The following RUSC2 variants were observed in gnomAD, a reference collection of about 807,000 sequenced individuals.
The protein encoded by RUSC2 is AP-4 complex accessory subunit RUSC2.
In RUSC2, 34 loss-of-function variants were observed where a neutral mutation model predicts 122.2. The observed-to-expected ratio is 0.28, with a 90% CI of 0.21 to 0.37. The LOEUF (loss-of-function observed/expected upper bound fraction) is 0.37. Ranked by LOEUF, RUSC2 falls within the 10% of genes least tolerant of loss-of-function variation. The probability of loss-of-function intolerance (pLI) is 1.00; values close to 1 mark genes in which losing one functional copy is unlikely to be tolerated. For missense variants in RUSC2, 1,747 were observed against 1,952.4 expected (o/e 0.89, Z 1.98); for synonymous variants, 784 against 790.0 (o/e 0.99, Z 0.13).
At chr9:35,517,081 T>C (rs1008350170) in intron 1 of RUSC2, among the ~76,000 whole-genome samples, 1 of 152,198 alleles carries the variant, frequency 6.6e-6, no homozygotes, top group Non-Finnish European at 1.5e-5. Flanking sequence ...GTGGCAGTAC[T>C]ATATGGCCCA....
chr9:35,548,650 TC>T lies in RUSC2; in HGVS notation c.2014+117del. On this transcript the variant is annotated intron_variant, in intron 2 of 11. Transcript: ENST00000361226. The surrounding 1 kb of genome is among the most constrained non-coding windows in gnomAD (Gnocchi z 4.5). ...CATCCATACCACTAGAGGTTCCACA[TC>T]CTAGATCTGTTATCCTTCTAGGCCA... The T allele has an allele frequency of 7.0e-7, 1 of 1,434,608 alleles. No individual in the cohort carries two copies. The highest frequency in any genetic ancestry group is 1.4e-5 in the African/African-American group (1 of 69,804). The allele number at this position is 1,434,608 out of a possible 1,614,324, so 88.9% of individuals were successfully genotyped here. A position where few individuals can be genotyped will look rare whatever the true frequency, so the allele number is the denominator to read the frequency against.
chr9:35,530,115 C>A lies in RUSC2; in HGVS notation c.-92-16315C>A, dbSNP rs770488087. On this transcript the variant is annotated intron_variant, in intron 1 of 11. Transcript: ENST00000361226. ...TACAGGTGCACACCAGCACACCCAG[C>A]TAATTTTTGTATTTTTTGTAGAGAC... Among the ~76,000 whole-genome samples the A allele has an allele frequency of 8.7e-4, 133 of 152,274 alleles. 2 individuals are homozygous for A. Among genetic ancestry groups the A allele is most frequent in the Non-Finnish European group, 1.7e-3 (117 of 68,028 alleles).
intron 2 of RUSC2, among the ~76,000 whole-genome samples, chr9:35,551,978 C>T (rs757508851): frequency 6.6e-6 from 1 of 152,092 alleles, no homozygotes; most frequent in Admixed American, 6.6e-5. Context: ...GCAGGAGGAT[C>T]GCCTGAGCCC....
At chr9:35,512,400 C>T (rs905208585) in intron 1 of RUSC2, among the ~76,000 whole-genome samples, 1 of 152,078 alleles carries the variant, frequency 6.6e-6, no homozygotes. Context: ...TTATAATTTG[C>T]CCTATGCATG....
In RUSC2 at chr9:35,558,557, G is replaced by A. The variant is rs767427039; in HGVS notation, c.3331G>A (p.Gly1111Ser). ...CATGCGCTTCAACGCCTTCATCCTC[G>A]GCCTGCTCAAGTGAGTGCACAGAGC... Reference protein sequence around the residue: ...HTMRFNAFILGLLNIRSLEFW... With the variant: ...HTMRFNAFILSLLNIRSLEFW... Residue 1111 changes from glycine to serine, a missense_variant, in exon 8 of 12, where the codon GGC becomes AGC. Gly to Ser is a moderately conservative substitution (Grantham distance 56). Coordinates refer to ENST00000361226, the MANE Select transcript of RUSC2 (RefSeq NM_014806.5). The surrounding 1 kb of genome is among the most constrained non-coding windows in gnomAD (Gnocchi z 4.3). 22 of 1,613,448 alleles carry A rather than the reference G, an allele frequency of 1.4e-5. No individual in the cohort carries two copies. Among genetic ancestry groups the A allele is most frequent in the Non-Finnish European group, 1.8e-5 (21 of 1,179,636 alleles).
At position 35,547,836 on chromosome 9, in the gene RUSC2, C is replaced by G; in HGVS notation, c.1315C>G (p.Pro439Ala). The G allele has an allele frequency of 1.2e-6, 2 of 1,614,198 alleles. No homozygotes were observed. The highest frequency in any genetic ancestry group is 1.3e-5 in the African/African-American group (1 of 75,056). Residue 439 changes from proline to alanine, a missense_variant, in exon 2 of 12, where the codon CCC becomes GCC. Coordinates refer to ENST00000361226, the MANE Select transcript of RUSC2 (RefSeq NM_014806.5). The surrounding 1 kb of genome is among the most constrained non-coding windows in gnomAD (Gnocchi z 4.6). ...ACCAGGCCCTGGCCCAGACCCAGGC[C>G]CCAGCCAGCCCTCTGAGTATTACCT... is the stretch of plus-strand genomic sequence containing the variant. ...PPPGPGPDPG[P>A]SQPSEYYLFQ...
At chr9:35,525,677 C>T (rs1214434585) in intron 1 of RUSC2, among the ~76,000 whole-genome samples, 4 of 152,082 alleles carry the variant, frequency 2.6e-5, no homozygotes, top group African/African-American at 9.7e-5. Context: ...CACACTCCTG[C>T]AGTCGCAGCT....
At chr9:35,516,186 T>A (rs1251127342) in intron 1 of RUSC2, among the ~76,000 whole-genome samples, 1 of 152,040 alleles carries the variant, frequency 6.6e-6, no homozygotes, top group Non-Finnish European at 1.5e-5. Flanking sequence ...TAACCATTTC[T>A]ATATCATTCT....
At chr9:35,551,167 C>T (rs1821885887) in intron 2 of RUSC2, among the ~76,000 whole-genome samples, 1 of 151,924 alleles carries the variant, frequency 6.6e-6, no homozygotes, top group Admixed American at 6.6e-5. Flanking sequence ...AGAGAAATCA[C>T]CTAAGATAAT....
intron 1 of RUSC2, among the ~76,000 whole-genome samples, chr9:35,516,249 G>T (rs1821105215): frequency 6.6e-6 from 1 of 151,962 alleles, no homozygotes; most frequent in South Asian, 2.1e-4. Context: ...GTAACTATTT[G>T]TGATGGTGCC....
In RUSC2 at chr9:35,555,583, C is replaced by T; in HGVS notation, c.2538C>T (p.Tyr846=). 6.2e-7 allele frequency: 1 copy of T among 1,614,008 alleles called. No individual in the cohort carries two copies. Residue 846 remains tyrosine (Y), a synonymous_variant, in exon 3 of 12, where the codon TAC becomes TAT. Transcript: ENST00000361226. The surrounding 1 kb of genome is among the most constrained non-coding windows in gnomAD (Gnocchi z 4.6). The part of the protein sequence containing the change: ...EDQKILTLTE[Y]RLHGTGSLPP... ...AGAAGATACTGACCTTGACTGAGTACCGGCTCCATGGAACAGGAAGCTTGC... is the reference window on the plus strand; with the variant it reads ...AGAAGATACTGACCTTGACTGAGTATCGGCTCCATGGAACAGGAAGCTTGC...
intron 1 of RUSC2, among the ~76,000 whole-genome samples, chr9:35,496,166 G>T (rs1018663968): frequency 9.2e-5 from 14 of 152,142 alleles, no homozygotes; most frequent in African/African-American, 2.9e-4. Context: ...CATGCAACAA[G>T]TGGAGACCTA....
At chr9:35,492,317 T>C (rs1820583417) in intron 1 of RUSC2, among the ~76,000 whole-genome samples, 1 of 152,138 alleles carries the variant, frequency 6.6e-6, no homozygotes, top group South Asian at 2.1e-4. Context: ...AAATTTAGGA[T>C]AATAACTCAC....
chr9:35,492,899 G>A (rs372898540), intron 1 of RUSC2, among the ~76,000 whole-genome samples: 3 of 152,122 alleles, frequency 2.0e-5, no homozygotes, highest in Non-Finnish European at 4.4e-5. Flanking sequence ...ACTACTGGGG[G>A]TACCTCATAT....
At chr9:35,549,846 T>A (rs1821847491) in intron 2 of RUSC2, among the ~76,000 whole-genome samples, 1 of 152,234 alleles carries the variant, frequency 6.6e-6, no homozygotes, top group African/African-American at 2.4e-5. Context: ...TTTTTCTGTC[T>A]GCTTAATTAT....
chr9:35,494,387 C>G (rs936908575), intron 1 of RUSC2, among the ~76,000 whole-genome samples: 2 of 152,076 alleles, frequency 1.3e-5, no homozygotes, highest in Admixed American at 6.5e-5. Flanking sequence ...TGGCTTGAAC[C>G]GGGGAGGCTG....
At position 35,514,742 on chromosome 9, in the gene RUSC2, C is replaced by T. The variant is rs368092123; in HGVS notation, c.-93+24570C>T. 4.5e-4 allele frequency among the ~76,000 whole-genome samples: 69 copies of T among 152,170 alleles called. 1 individual carries two copies. Among genetic ancestry groups the T allele is most frequent in the African/African-American group, 1.5e-3 (64 of 41,512 alleles). On this transcript the variant is annotated intron_variant, in intron 1 of 11. Transcript: ENST00000361226. ...ATGGTCCTGGGCTAGTATGGCAGCTCCACAGTCATTAGAGACCCACACCCT... is the reference window on the plus strand; with the variant it reads ...ATGGTCCTGGGCTAGTATGGCAGCTTCACAGTCATTAGAGACCCACACCCT...
In RUSC2 at chr9:35,538,391, C is replaced by T. The variant is rs773762606; in HGVS notation, c.-92-8039C>T. Among the ~76,000 whole-genome samples, 13 of 152,086 alleles carry T rather than the reference C, an allele frequency of 8.5e-5. No homozygotes were observed. In the South Asian group the frequency reaches 1.2e-3, roughly 15 times the overall value. ...GTGGGCCATCCACCAGGACTGAGTT[C>T]GAGTTACTGCTGGCAGAATGGTGAC... On this transcript the variant is annotated intron_variant, in intron 1 of 11. Transcript: ENST00000361226.
intron 1 of RUSC2, among the ~76,000 whole-genome samples, chr9:35,516,807 C>T (rs1434360605): frequency 1.3e-5 from 2 of 152,188 alleles, no homozygotes; most frequent in South Asian, 2.1e-4. Context: ...ATTATGGTCC[C>T]TGCCAGGGTG....
Sources: gnomAD v4.1 joint callset for allele counts (sites outside exome capture counted in the v4.1 genomes callset) on GRCh38, gnomAD v4.1.1 for gene constraint, Gnocchi (gnomAD v3.1) non-coding constraint, MANE v1.5 for transcripts, NCBI Gene and HGNC (gene_info 2026-07-23, HGNC 2026-07-21) for gene names.